LRP1B: variants seen among roughly 807,000 people sequenced by gnomAD.
LRP1B encodes the protein LDL receptor related protein 1B.
LRP1B carries 217 observed loss-of-function variants against 556.6 expected under a neutral mutation model. That is an observed-to-expected ratio of 0.39 (90% CI 0.35 to 0.44). The LOEUF is 0.44. LRP1B is among the 20% of genes least tolerant of loss of function. The pLI, the probability that LRP1B is intolerant of heterozygous loss-of-function variation, is 1.00. For missense variants in LRP1B, 5,053 were observed against 5,620.8 expected, an observed-to-expected ratio of 0.90 and a Z score of 3.23; for synonymous variants, 2,047 against 1,865.8, an observed-to-expected ratio of 1.10 and a Z score of -2.50.
At chr2:140,783,170 C>T (rs543479216) in intron 32 of LRP1B, among the ~76,000 whole-genome samples, 6 of 151,684 alleles carry the variant, frequency 4.0e-5, no homozygotes, top group African/African-American at 1.5e-4. Context: ...AATGCTTTAC[C>T]TCTTAAGATG....
chr2:141,510,384 A>G (rs1295896399), intron 2 of LRP1B, among the ~76,000 whole-genome samples: 1 of 152,150 alleles, frequency 6.6e-6, no homozygotes, highest in Admixed American at 6.5e-5. Flanking sequence ...AAGAATTTCC[A>G]TTTGAGCATT....
chr2:142,055,847 T>C (rs1704648831), intron 1 of LRP1B, among the ~76,000 whole-genome samples: 2 of 152,106 alleles, frequency 1.3e-5, no homozygotes, highest in Admixed American at 1.3e-4. Context: ...TATTTCTCTA[T>C]TTTTCAGAAG....
At chr2:141,119,140 A>T (rs955919187) in intron 7 of LRP1B, among the ~76,000 whole-genome samples, 1 of 151,894 alleles carries the variant, frequency 6.6e-6, no homozygotes, top group African/African-American at 2.4e-5. Flanking sequence ...TCCATCTTTA[A>T]CACAATTTTG....
In LRP1B at chr2:140,373,062, A is replaced by G. The variant is rs1351529523; in HGVS notation, c.10714T>C (p.Cys3572Arg). Residue 3572 changes from cysteine (C) to arginine (R), a missense_variant, in exon 69 of 91, where the codon TGT becomes CGT. This residue lies in a region of LRP1B where 599 missense variants were observed against 648.4 expected (regional missense o/e 0.92). Coordinates refer to ENST00000389484, the MANE Select transcript of LRP1B (RefSeq NM_018557.3). The stretch of plus-strand genomic sequence containing the variant: ...TATTTGCAGTCTTCATGGCCATCAC[A>G]TTTCCATTTTGCTGGTATACACTGA... ...NGQCIPAKWK[C>R]DGHEDCKYGE... 6.2e-7 allele frequency: 1 copy of G among 1,613,462 alleles called. No individual in the cohort carries two copies.
At chr2:141,591,063 C>G (rs1405749373) in intron 2 of LRP1B, among the ~76,000 whole-genome samples, 1 of 152,196 alleles carries the variant, frequency 6.6e-6, no homozygotes, top group East Asian at 1.9e-4. Flanking sequence ...GCCCTCCTGA[C>G]TGTAATTATG....
chr2:141,507,445 G>A (rs1336069869), intron 2 of LRP1B, among the ~76,000 whole-genome samples: 2 of 152,054 alleles, frequency 1.3e-5, no homozygotes, highest in Non-Finnish European at 2.9e-5. Context: ...AATTATTCAA[G>A]CAAAATTATT....
At chr2:141,268,527 A>C (rs1258983364) in intron 3 of LRP1B, among the ~76,000 whole-genome samples, 2 of 152,166 alleles carry the variant, frequency 1.3e-5, no homozygotes, top group Admixed American at 6.5e-5. Context: ...TCACTCAATG[A>C]AATCGTGCAA....
At chr2:141,277,854 C>G (rs958074834) in intron 3 of LRP1B, among the ~76,000 whole-genome samples, 1 of 151,256 alleles carries the variant, frequency 6.6e-6, no homozygotes, top group Non-Finnish European at 1.5e-5. Context: ...CAAGTGCTAC[C>G]CAAAGGGGCA....
intron 66 of LRP1B, among the ~76,000 whole-genome samples, chr2:140,433,499 C>G (rs1686042495): frequency 6.6e-6 from 1 of 152,070 alleles, no homozygotes. Flanking sequence ...TTTCATTGAG[C>G]CTGCCGCTCA....
At chr2:141,630,707 G>A (rs1161825287) in intron 2 of LRP1B, among the ~76,000 whole-genome samples, 1 of 152,202 alleles carries the variant, frequency 6.6e-6, no homozygotes, top group Non-Finnish European at 1.5e-5. Flanking sequence ...AAATAGAGGA[G>A]CATCTGTAGC....
chr2:140,655,619 G>A (rs1684849989), intron 41 of LRP1B, among the ~76,000 whole-genome samples: 1 of 152,146 alleles, frequency 6.6e-6, no homozygotes, highest in Non-Finnish European at 1.5e-5. Context: ...GAAGTAGCTA[G>A]GTTATAAAAA....
intron 58 of LRP1B, among the ~76,000 whole-genome samples, chr2:140,485,943 C>T (rs1252947550): frequency 6.6e-6 from 1 of 151,566 alleles, no homozygotes; most frequent in South Asian, 2.1e-4. Context: ...GCATTCCTCA[C>T]TCTCTCTACT....
intron 41 of LRP1B, among the ~76,000 whole-genome samples, chr2:140,625,587 C>T (rs1683627438): frequency 6.6e-6 from 1 of 152,078 alleles, no homozygotes; most frequent in African/African-American, 2.4e-5. Flanking sequence ...TAACAGACAC[C>T]TCATCAAACA....
chr2:140,961,751 AC>A (rs1696042312), intron 18 of LRP1B, among the ~76,000 whole-genome samples: 2 of 152,070 alleles, frequency 1.3e-5, no homozygotes, highest in Non-Finnish European at 2.9e-5. Context: ...ACATTTCTTT[AC>A]TTGTACTTTT....
intron 1 of LRP1B, among the ~76,000 whole-genome samples, chr2:141,900,103 A>G (rs941118060): frequency 1.3e-5 from 2 of 152,080 alleles, no homozygotes; most frequent in Admixed American, 1.3e-4. Context: ...TTTGTGATTG[A>G]CTGATTTAAT....
chr2:140,634,961 T>C (rs1452231892), intron 41 of LRP1B, among the ~76,000 whole-genome samples: 3 of 152,018 alleles, frequency 2.0e-5, no homozygotes, highest in Non-Finnish European at 4.4e-5. Context: ...CTTTTGTCAA[T>C]AAAAATGTAA....
chr2:141,660,830 G>A lies in LRP1B; in HGVS notation c.205+149449C>T, dbSNP rs541734052. 2.7e-4 allele frequency among the ~76,000 whole-genome samples: 41 copies of A among 152,212 alleles called. 1 individual carries two copies. The South Asian group carries it at 8.1e-3, about 30-fold the overall frequency. On this transcript the variant is annotated intron_variant, in intron 2 of 90. Coordinates refer to ENST00000389484, the MANE Select transcript of LRP1B (RefSeq NM_018557.3). ...CACCTTCCACCAATGAGCACCCAGC[G>A]CGTTTTGTTAAGTGGGTCCCTGATC...
At chr2:140,437,137 CGTGA>C (rs1314826375) in intron 66 of LRP1B, among the ~76,000 whole-genome samples, 1 of 152,052 alleles carries the variant, frequency 6.6e-6, no homozygotes, top group African/African-American at 2.4e-5. Context: ...ACCCACAGTG[CGTGA>C]GTGAGGATGC....
In LRP1B at chr2:141,645,350, T is replaced by C. The variant is rs200928311; in HGVS notation, c.206-164817A>G. On this transcript the variant is annotated intron_variant, in intron 2 of 90. Coordinates refer to ENST00000389484, the MANE Select transcript of LRP1B (RefSeq NM_018557.3). ...ATGCCTCATATGAAGAAATCTATTC[T>C]GGCAGCATAGGATGCCCTAGACCTC... is the stretch of plus-strand genomic sequence containing the variant. Among the ~76,000 whole-genome samples, 19 of 152,140 alleles carry C rather than the reference T, an allele frequency of 1.2e-4. No individual in the cohort carries two copies. In the East Asian group the frequency reaches 2.5e-3, roughly 20 times the overall value.
Sources: gnomAD v4.1 joint callset for allele counts (sites outside exome capture counted in the v4.1 genomes callset) on GRCh38, gnomAD v4.1.1 for gene constraint, gnomAD v4.1.1 regional missense constraint, MANE v1.5 for transcripts, NCBI Gene and HGNC (gene_info 2026-07-23, HGNC 2026-07-21) for gene names.